GNAQ: variants seen among roughly 807,000 people sequenced by gnomAD.
GNAQ encodes the protein G protein subunit alpha q, also known as guanine nucleotide-binding protein G(q) subunit alpha.
GNAQ carries 8 observed loss-of-function variants against 43.9 expected under a neutral mutation model. The ratio of observed to expected loss-of-function variants is 0.18; its 90% CI spans 0.11 to 0.33. The LOEUF is 0.33. GNAQ is among the 10% of genes least tolerant of loss of function. The pLI, the probability that GNAQ is intolerant of heterozygous loss-of-function variation, is 1.00. For synonymous variants in GNAQ, 155 were observed against 170.7 expected, an observed-to-expected ratio of 0.91 and a Z score of 0.71; for missense variants, 158 against 450.8, an observed-to-expected ratio of 0.35 and a Z score of 5.88.
rs141611512 is a variant in GNAQ, at chr9:77,735,769, C to T, written c.736-7102G>A. Among the ~76,000 whole-genome samples, 137 of 152,300 alleles carry T rather than the reference C, an allele frequency of 9.0e-4. 1 individual carries two copies. The highest frequency in any genetic ancestry group is 3.4e-3 in the Middle Eastern group (1 of 294). ...TCCAGACGATCTGGCAGGGAGAGTA[C>T]GCTGACATGGCAATGTGGCCCAGTG... On this transcript the variant is annotated intron_variant, in intron 5 of 6. Coordinates refer to ENST00000286548, the MANE Select transcript of GNAQ (RefSeq NM_002072.5).
intron 1 of GNAQ, among the ~76,000 whole-genome samples, chr9:77,984,010 C>G (rs1376505937): frequency 7.9e-6 from 1 of 127,228 alleles, no homozygotes; most frequent in African/African-American, 3.0e-5. Context: ...AAAAGTCATC[C>G]TGGGTTTTTG....
intron 1 of GNAQ, among the ~76,000 whole-genome samples, chr9:77,940,830 G>C (rs1018217117): frequency 2.0e-5 from 3 of 151,970 alleles, no homozygotes; most frequent in African/African-American, 7.2e-5. Context: ...AGCCGGGCGT[G>C]GTGGCAGACG....
chr9:77,883,641 C>G (rs1828252867), intron 2 of GNAQ, among the ~76,000 whole-genome samples: 1 of 151,564 alleles, frequency 6.6e-6, no homozygotes, highest in African/African-American at 2.4e-5. Context: ...ACCCTTGCCC[C>G]CGCCCCCACT....
At chr9:77,885,915 G>T (rs1828297275) in intron 2 of GNAQ, among the ~76,000 whole-genome samples, 1 of 152,072 alleles carries the variant, frequency 6.6e-6, no homozygotes, top group Admixed American at 6.6e-5. Context: ...GTTTAAAATT[G>T]TAATATAATT....
chr9:77,923,870 C>A (rs773916346), intron 1 of GNAQ, among the ~76,000 whole-genome samples: 1 of 152,068 alleles, frequency 6.6e-6, no homozygotes, highest in Non-Finnish European at 1.5e-5. Flanking sequence ...GCTAGTAATA[C>A]GCCATCTGTC....
At chr9:78,019,802 T>C (rs1307650230) in intron 1 of GNAQ, among the ~76,000 whole-genome samples, 1 of 151,008 alleles carries the variant, frequency 6.6e-6, no homozygotes, top group Non-Finnish European at 1.5e-5. Flanking sequence ...CAGGCGCCTG[T>C]AATCCCAGCT....
chr9:77,926,675 A>G (rs1037693106), intron 1 of GNAQ, among the ~76,000 whole-genome samples: 1 of 152,210 alleles, frequency 6.6e-6, no homozygotes, highest in Non-Finnish European at 1.5e-5. Flanking sequence ...GCAAATGAAC[A>G]CACACAAGGG....
chr9:77,958,864 C>A (rs1403674755), intron 1 of GNAQ, among the ~76,000 whole-genome samples: 1 of 152,206 alleles, frequency 6.6e-6, no homozygotes, highest in African/African-American at 2.4e-5. Context: ...CCAAAACTAG[C>A]AGTTTGCAAC....
At chr9:77,838,137 A>ATT (rs574992587) in intron 2 of GNAQ, among the ~76,000 whole-genome samples, 2,120 of 87,054 alleles carry the variant, frequency 0.024, 81 homozygotes, top group African/African-American at 0.076. Flanking sequence ...GGCATTAATG[A>ATT]TTTTTTTTTT....
chr9:77,868,817 A>G (rs1022734723), intron 2 of GNAQ, among the ~76,000 whole-genome samples: 14 of 151,560 alleles, frequency 9.2e-5, no homozygotes, highest in African/African-American at 3.4e-4. Context: ...AAAAAACCAA[A>G]AAAGAAAAAG....
intron 1 of GNAQ, among the ~76,000 whole-genome samples, chr9:77,955,177 C>G (rs1267915367): frequency 6.6e-6 from 1 of 152,200 alleles, no homozygotes; most frequent in Non-Finnish European, 1.5e-5. Context: ...GAGTCTCACT[C>G]TGTTGCCCAG....
intron 2 of GNAQ, among the ~76,000 whole-genome samples, chr9:77,841,474 A>C (rs908067591): frequency 1.3e-5 from 2 of 152,228 alleles, no homozygotes; most frequent in African/African-American, 4.8e-5. Flanking sequence ...CAATTTTCTC[A>C]CAATAAATTG....
intron 2 of GNAQ, among the ~76,000 whole-genome samples, chr9:77,906,582 C>G (rs1168608092): frequency 1.3e-5 from 2 of 152,122 alleles, no homozygotes; most frequent in African/African-American, 4.8e-5. Flanking sequence ...TAAAAAAAAT[C>G]ACTATTTTGT....
intron 2 of GNAQ, among the ~76,000 whole-genome samples, chr9:77,834,345 T>C (rs1335102854): frequency 6.6e-6 from 1 of 152,222 alleles, no homozygotes; most frequent in East Asian, 1.9e-4. Context: ...TTAAATGAAG[T>C]AGCATATTGC....
chr9:77,907,200 A>T (rs978758604), intron 2 of GNAQ, among the ~76,000 whole-genome samples: 1 of 152,266 alleles, frequency 6.6e-6, no homozygotes, highest in South Asian at 2.1e-4. Context: ...TTGATTTGTG[A>T]CCAAGTTTTT....
intron 1 of GNAQ, among the ~76,000 whole-genome samples, chr9:78,027,571 T>A (rs565170977): frequency 6.6e-6 from 1 of 152,138 alleles, no homozygotes; most frequent in South Asian, 2.1e-4. Context: ...ACTAACATGT[T>A]GAAACCCCAG....
chr9:78,011,405 A>G lies in GNAQ; in HGVS notation c.136+19695T>C, dbSNP rs1823771121. On this transcript the variant is annotated intron_variant, in intron 1 of 6. Transcript: ENST00000286548. ...AAAATTTGGAACATTCCTAAGCACA[A>G]ATGAAGACAAGGCAAAGGACATGCA... 2.6e-5 allele frequency among the ~76,000 whole-genome samples: 4 copies of G among 152,242 alleles called. No homozygotes were observed. The South Asian group carries it at 8.3e-4, about 31-fold the overall frequency.
intron 3 of GNAQ, among the ~76,000 whole-genome samples, chr9:77,809,609 T>C (rs777212915): frequency 6.6e-6 from 1 of 152,258 alleles, no homozygotes; most frequent in Non-Finnish European, 1.5e-5. Flanking sequence ...GAATGCTTTT[T>C]ATTCTTTCAT....
intron 6 of GNAQ, among the ~76,000 whole-genome samples, chr9:77,726,016 G>GTA (rs1825392645): frequency 8.8e-6 from 1 of 113,344 alleles, no homozygotes; most frequent in African/African-American, 5.4e-5. Flanking sequence ...AGAACCTCGA[G>GTA]TGTGTGTGTG....
Sources: gnomAD v4.1 joint callset for allele counts (sites outside exome capture counted in the v4.1 genomes callset) on GRCh38, gnomAD v4.1.1 for gene constraint, MANE v1.5 for transcripts, NCBI Gene and HGNC (gene_info 2026-07-23, HGNC 2026-07-21) for gene names.